The following KCTD8 variants were observed in gnomAD, a reference collection of about 807,000 sequenced individuals.
The protein encoded by KCTD8 is potassium channel tetramerization domain containing 8.
Under a neutral mutation model 31.5 loss-of-function variants are expected in KCTD8, and 27 were observed. The observed-to-expected ratio is 0.86, with a 90% CI of 0.63 to 1.18. The LOEUF (loss-of-function observed/expected upper bound fraction) is 1.18. Ranked by LOEUF, KCTD8 falls within the 50% of genes most tolerant of loss-of-function variation. KCTD8 has a pLI of 0.00. For synonymous variants in KCTD8, 290 were observed against 280.0 expected (o/e 1.04, Z -0.36); for missense variants, 658 against 647.7 (o/e 1.02, Z -0.17).
intron 1 of KCTD8, among the ~76,000 whole-genome samples, chr4:44,391,345 C>T (rs1212782809): frequency 1.3e-5 from 2 of 151,754 alleles, no homozygotes; most frequent in African/African-American, 4.8e-5. Context: ...AGAGTTATAT[C>T]AATTGTGCCC....
chr4:44,312,173 T>C (rs28423058), intron 1 of KCTD8, among the ~76,000 whole-genome samples: 34,106 of 152,008 alleles, frequency 0.22, 3,888 homozygotes, highest in East Asian at 0.29. Context: ...AGATGATATA[T>C]AGAGCTCTTT....
intron 1 of KCTD8, among the ~76,000 whole-genome samples, chr4:44,311,266 G>GCT (rs1213660174): frequency 8.6e-5 from 13 of 151,610 alleles, no homozygotes; most frequent in Non-Finnish European, 1.8e-4. Context: ...GAGCACGTGT[G>GCT]CTCTCTCTCT....
chr4:44,445,353 T>C (rs1044089510), intron 1 of KCTD8, among the ~76,000 whole-genome samples: 1 of 152,218 alleles, frequency 6.6e-6, no homozygotes, highest in Non-Finnish European at 1.5e-5. Context: ...TGGAATTGCA[T>C]ATTTTCTCCC....
intron 1 of KCTD8, among the ~76,000 whole-genome samples, chr4:44,312,675 A>G (rs1717990341): frequency 1.3e-5 from 2 of 152,172 alleles, no homozygotes; most frequent in African/African-American, 4.8e-5. Context: ...GCATCCCTCC[A>G]TAACTTCTTT....
intron 1 of KCTD8, among the ~76,000 whole-genome samples, chr4:44,343,848 G>A (rs894906940): frequency 3.3e-5 from 5 of 151,596 alleles, no homozygotes; most frequent in East Asian, 3.9e-4. Flanking sequence ...TTTTTTTGTT[G>A]TTGTTGTTTG....
intron 1 of KCTD8, among the ~76,000 whole-genome samples, chr4:44,413,465 A>G (rs1483866984): frequency 1.3e-5 from 2 of 152,158 alleles, no homozygotes. Flanking sequence ...TTGGTAAAAG[A>G]ATTACTTGAA....
intron 1 of KCTD8, among the ~76,000 whole-genome samples, chr4:44,180,913 C>T (rs2109329882): frequency 6.6e-6 from 1 of 152,140 alleles, no homozygotes; most frequent in South Asian, 2.1e-4. Flanking sequence ...GAAATTACCA[C>T]AGAACAAGGA....
At chr4:44,196,807 C>A (rs546967132) in intron 1 of KCTD8, among the ~76,000 whole-genome samples, 1 of 152,140 alleles carries the variant, frequency 6.6e-6, no homozygotes, top group Non-Finnish European at 1.5e-5. Flanking sequence ...TATGGAGAGC[C>A]ACACAGAGAT....
At chr4:44,295,218 T>C (rs1245297180) in intron 1 of KCTD8, among the ~76,000 whole-genome samples, 2 of 151,958 alleles carry the variant, frequency 1.3e-5, no homozygotes, top group Non-Finnish European at 2.9e-5. Flanking sequence ...ATTGCTTGAG[T>C]CCAGGAATTA....
intron 1 of KCTD8, among the ~76,000 whole-genome samples, chr4:44,239,618 CAT>C (rs1715390922): frequency 6.6e-6 from 1 of 152,060 alleles, no homozygotes; most frequent in African/African-American, 2.4e-5. Context: ...AGTTGTTCAC[CAT>C]ATGATTCTGT....
chr4:44,205,209 T>G (rs573350677), intron 1 of KCTD8, among the ~76,000 whole-genome samples: 79 of 152,252 alleles, frequency 5.2e-4, no homozygotes, highest in Admixed American at 1.2e-3. Context: ...AAGAATAATT[T>G]ACAATATTTT....
intron 1 of KCTD8, among the ~76,000 whole-genome samples, chr4:44,284,073 A>G (rs1716984730): frequency 6.6e-6 from 1 of 152,194 alleles, no homozygotes. Flanking sequence ...TATAGATTCA[A>G]TGCTATCCCC....
chr4:44,444,754 T>A (rs1721896772), intron 1 of KCTD8, among the ~76,000 whole-genome samples: 1 of 151,262 alleles, frequency 6.6e-6, no homozygotes, highest in African/African-American at 2.4e-5. Flanking sequence ...TGCCACTTTC[T>A]TCCCCTCTAC....
intron 1 of KCTD8, among the ~76,000 whole-genome samples, chr4:44,262,700 T>C (rs1377882015): frequency 2.6e-5 from 4 of 152,112 alleles, no homozygotes; most frequent in Admixed American, 2.0e-4. Flanking sequence ...AGAAAATTAA[T>C]TTCCAAAATG....
chr4:44,374,258 G>C (rs1719863458), intron 1 of KCTD8, among the ~76,000 whole-genome samples: 1 of 152,154 alleles, frequency 6.6e-6, no homozygotes, highest in Non-Finnish European at 1.5e-5. Flanking sequence ...CTGCAGAGGA[G>C]AGAACAGCGG....
intron 1 of KCTD8, among the ~76,000 whole-genome samples, chr4:44,434,250 T>C (rs1248799764): frequency 6.6e-6 from 1 of 151,926 alleles, no homozygotes; most frequent in African/African-American, 2.4e-5. Context: ...CCTCCTTCTC[T>C]ATTTCACCAT....
chr4:44,310,135 G>A (rs1717910460), intron 1 of KCTD8, among the ~76,000 whole-genome samples: 1 of 152,106 alleles, frequency 6.6e-6, no homozygotes, highest in Non-Finnish European at 1.5e-5. Flanking sequence ...TCTGAAATAT[G>A]TGACATTTTA....
chr4:44,316,054 C>T (rs543801250), intron 1 of KCTD8, among the ~76,000 whole-genome samples: 40 of 152,200 alleles, frequency 2.6e-4, no homozygotes, highest in South Asian at 1.2e-3. Flanking sequence ...ACTCCTTTTG[C>T]GGGCTCTTTT....
At chr4:44,319,966 G>C (rs1718246759) in intron 1 of KCTD8, among the ~76,000 whole-genome samples, 1 of 151,912 alleles carries the variant, frequency 6.6e-6, no homozygotes, top group African/African-American at 2.4e-5. Context: ...GAGGTCATGA[G>C]TTCAATACCA....
Sources: allele counts gnomAD v4.1 joint callset (sites outside exome capture counted in the v4.1 genomes callset), GRCh38; gene constraint gnomAD v4.1.1; transcripts MANE v1.5; gene names NCBI Gene and HGNC (gene_info 2026-07-23, HGNC 2026-07-21).